NBAS: variants seen among roughly 807,000 people sequenced by gnomAD.
NBAS encodes the protein NAG/BC035112 fusion.
In NBAS, 219 loss-of-function variants were observed where a neutral mutation model predicts 302.5. That is an observed-to-expected ratio of 0.72 (90% CI 0.65 to 0.81). The LOEUF (loss-of-function observed/expected upper bound fraction) is 0.81, where lower values mean the gene tolerates loss of function less well. Ranked by LOEUF, NBAS falls within the 30% of genes least tolerant of loss-of-function variation. The pLI is 0.00. For synonymous variants in NBAS, 1,118 were observed against 1,021.6 expected, an observed-to-expected ratio of 1.09 and a Z score of -1.80; for missense variants, 2,932 against 2,841.6, an observed-to-expected ratio of 1.03 and a Z score of -0.72.
At chr2:15,398,090 C>CGTGT (rs201218082) in intron 26 of NBAS, among the ~76,000 whole-genome samples, 20 of 149,884 alleles carry the variant, frequency 1.3e-4, no homozygotes, top group East Asian at 3.9e-4. Context: ...CTCAGTCAGC[C>CGTGT]GTGTGTGTGT....
the NBAS span, among the ~76,000 whole-genome samples, chr2:15,030,504 T>TGGTA: frequency 6.6e-6 from 1 of 152,176 alleles, no homozygotes; most frequent in Non-Finnish European, 1.5e-5. Context: ...ATGGCCTTGA[T>TGGTA]GGTAGGCTCC....
chr2:15,232,703 C>T (rs1667430844), intron 46 of NBAS, among the ~76,000 whole-genome samples, 192 bp from the exon 47 acceptor site: 1 of 152,196 alleles, frequency 6.6e-6, no homozygotes, highest in African/African-American at 2.4e-5. Flanking sequence ...ATTTTCTGCC[C>T]TTAAGGAGCT....
the NBAS span, among the ~76,000 whole-genome samples, chr2:15,025,193 T>G: frequency 6.6e-6 from 1 of 152,204 alleles, no homozygotes; most frequent in Non-Finnish European, 1.5e-5. Context: ...AGCTAGCCAG[T>G]TATCCCAACA....
intron 26 of NBAS, among the ~76,000 whole-genome samples, chr2:15,398,514 C>T (rs1675988544): frequency 1.3e-5 from 2 of 152,110 alleles, no homozygotes; most frequent in South Asian, 4.1e-4. Context: ...AATATTCTTC[C>T]TTTGTGAGCT....
At chr2:14,798,992 T>C in the NBAS span, among the ~76,000 whole-genome samples, 1 of 152,112 alleles carries the variant, frequency 6.6e-6, no homozygotes, top group Non-Finnish European at 1.5e-5. Flanking sequence ...TGCTGTAATA[T>C]GCTCAGAGAG....
At chr2:15,247,258 A>G (rs1264056246) in intron 44 of NBAS, among the ~76,000 whole-genome samples, 1 of 152,150 alleles carries the variant, frequency 6.6e-6, no homozygotes. Context: ...GAAAGAAACA[A>G]CCAGTACCAG....
intron 35 of NBAS, among the ~76,000 whole-genome samples, chr2:15,346,420 T>C (rs1393436751): frequency 1.3e-5 from 2 of 152,100 alleles, no homozygotes; most frequent in Non-Finnish European, 2.9e-5. Context: ...TCACTGGTCA[T>C]TAGAGAAATG....
At chr2:15,176,841 T>TGTGAGA (rs1336668096) in intron 51 of NBAS, among the ~76,000 whole-genome samples, 1 of 152,190 alleles carries the variant, frequency 6.6e-6, no homozygotes, top group Non-Finnish European at 1.5e-5. Flanking sequence ...GGGTGAAGAA[T>TGTGAGA]GTGAGAGACC....
chr2:14,871,137 C>T, the NBAS span, among the ~76,000 whole-genome samples: 1 of 150,708 alleles, frequency 6.6e-6, no homozygotes, highest in Non-Finnish European at 1.5e-5. Flanking sequence ...AAACAAAAAA[C>T]AAATGATCAG....
intron 48 of NBAS, among the ~76,000 whole-genome samples, chr2:15,192,777 C>T (rs1665424312): frequency 6.6e-6 from 1 of 152,118 alleles, no homozygotes; most frequent in African/African-American, 2.4e-5. Context: ...TCCAATGTTC[C>T]TAGCAGTGTC....
chr2:15,468,724 G>C (rs1001333045), intron 16 of NBAS, among the ~76,000 whole-genome samples, 191 bp from the exon 17 acceptor site: 1 of 152,192 alleles, frequency 6.6e-6, no homozygotes, highest in South Asian at 2.1e-4. Flanking sequence ...CTGGATGCGG[G>C]GAGTGTGAGT....
chr2:14,925,503 A>G, the NBAS span, among the ~76,000 whole-genome samples: 1 of 152,198 alleles, frequency 6.6e-6, no homozygotes, highest in Non-Finnish European at 1.5e-5. Flanking sequence ...ATAAAAATGT[A>G]AGTGATAATT....
chr2:15,008,942 T>A, the NBAS span, among the ~76,000 whole-genome samples: 319 of 152,216 alleles, frequency 2.1e-3, 2 homozygotes, highest in African/African-American at 7.3e-3. Flanking sequence ...GCATTTAAAT[T>A]TAATAAGTGA....
At chr2:15,199,041 G>A (rs770594499) in intron 48 of NBAS, among the ~76,000 whole-genome samples, 68 of 151,116 alleles carry the variant, frequency 4.5e-4, no homozygotes, top group Non-Finnish European at 6.3e-4. Flanking sequence ...GCAGGAGAAA[G>A]GCGTGAACCC....
chr2:15,400,845 T>A (rs1676115794), intron 26 of NBAS, among the ~76,000 whole-genome samples: 1 of 152,200 alleles, frequency 6.6e-6, no homozygotes, highest in Non-Finnish European at 1.5e-5. Flanking sequence ...AAAGACCAGT[T>A]AATGCATAGA....
intron 11 of NBAS, among the ~76,000 whole-genome samples, chr2:15,494,198 A>G (rs751021511): frequency 3.2e-4 from 48 of 152,216 alleles, no homozygotes; most frequent in Non-Finnish European, 6.2e-4. Context: ...CATGAATGTC[A>G]TTTTTATTTT....
the NBAS span, among the ~76,000 whole-genome samples, chr2:15,033,041 C>G: frequency 1.3e-5 from 2 of 152,296 alleles, no homozygotes; most frequent in Admixed American, 1.3e-4. Flanking sequence ...CCAGCAGAAC[C>G]CTGGGGGCAG....
the NBAS span, among the ~76,000 whole-genome samples, chr2:15,048,215 G>A: frequency 6.6e-6 from 1 of 152,234 alleles, no homozygotes; most frequent in Non-Finnish European, 1.5e-5. Context: ...CTGCAGTGGG[G>A]ACAGCAAGGC....
chr2:15,213,760 C>T (rs969395254), intron 48 of NBAS, among the ~76,000 whole-genome samples: 4 of 152,152 alleles, frequency 2.6e-5, no homozygotes, highest in Admixed American at 6.5e-5. Context: ...GTGATGCCAA[C>T]AGCGAGAGGG....
Sources: gnomAD v4.1 joint callset for allele counts (sites outside exome capture counted in the v4.1 genomes callset) on GRCh38, gnomAD v4.1.1 for gene constraint, MANE v1.5 for transcripts, NCBI Gene and HGNC (gene_info 2026-07-23, HGNC 2026-07-21) for gene names.